Variants in B3GALT5 observed in about 807,000 individuals in gnomAD.
The protein encoded by B3GALT5 is beta-1,3-galactosyltransferase 5.
For synonymous variants in B3GALT5, 156 were observed against 158.6 expected, an observed-to-expected ratio of 0.98 and a Z score of 0.12; for missense variants, 328 against 396.6, an observed-to-expected ratio of 0.83 and a Z score of 1.47.
chr21:39,639,456 T>TTTTCTTTCTCTCTCTCTCTCTTTCTTTC, intron 1 of B3GALT5, among the ~76,000 whole-genome samples: 1 of 77,518 alleles, frequency 1.3e-5, no homozygotes, highest in Admixed American at 1.3e-4. Flanking sequence ...TTCTTTCTTT[T>TTTTCTTTCTCTCTCTCTCTCTTTCTTTC]TTTCTTTCTC....
At chr21:39,630,390 T>A (rs1377150187) in intron 1 of B3GALT5, 1 of 151,618 alleles carries the variant, frequency 6.6e-6, no homozygotes, top group Non-Finnish European at 1.5e-5. Flanking sequence ...AGCGTCAGAG[T>A]CTTAGGTCTC....
At chr21:39,628,615 A>G (rs1235578425) in intron 1 of B3GALT5, among the ~76,000 whole-genome samples, 1 of 152,256 alleles carries the variant, frequency 6.6e-6, no homozygotes, top group African/African-American at 2.4e-5. Context: ...CAACCATGTC[A>G]GTGCTGTGTC....
At chr21:39,625,893 A>G (rs2079161270) in intron 1 of B3GALT5, among the ~76,000 whole-genome samples, 1 of 152,150 alleles carries the variant, frequency 6.6e-6, no homozygotes, top group Admixed American at 6.5e-5. Flanking sequence ...GTTATCTGTA[A>G]AGTTTACAAT....
At position 39,661,376 on chromosome 21, in the gene B3GALT5, T is replaced by C. The variant is rs763524371; in HGVS notation, c.817T>C (p.Phe273Leu). 1 of 1,601,442 alleles carries C rather than the reference T, an allele frequency of 6.2e-7. No homozygotes were observed. The highest frequency in any genetic ancestry group is 8.5e-7 in the Non-Finnish European group (1 of 1,174,154). ...GACCTTTTTTCCAGGGGGCTTACGC[T>C]TCTCCGTATGCCTCTTCAGGAGGAT... ...QPTFFPGGLR[F>L]SVCLFRRIVA... is the part of the protein sequence containing the mutation. The change falls in exon 4 of 4, where the codon TTC becomes CTC. Residue 273 changes from phenylalanine (F) to leucine (L), a missense_variant. Physicochemically the swap from Phe to Leu is conservative, Grantham distance 22 (BLOSUM62 0). Transcript: ENST00000684187. This position sits in a 1 kb window ranked among gnomAD's most constrained non-coding sequence, Gnocchi z 4.7.
intron 1 of B3GALT5, among the ~76,000 whole-genome samples, chr21:39,625,450 G>T (rs557575078): frequency 1.3e-5 from 2 of 152,128 alleles, no homozygotes; most frequent in African/African-American, 4.8e-5. Context: ...AATTCTTTTC[G>T]CCTCACCTAG....
intron 1 of B3GALT5, among the ~76,000 whole-genome samples, chr21:39,627,417 C>T (rs1028964279): frequency 1.4e-4 from 22 of 152,190 alleles, no homozygotes; most frequent in African/African-American, 5.3e-4. Flanking sequence ...TACCTTGCAG[C>T]TGGTGGTGAG....
chr21:39,632,891 A>G (rs2079201523), intron 1 of B3GALT5, among the ~76,000 whole-genome samples: 1 of 152,150 alleles, frequency 6.6e-6, no homozygotes, highest in African/African-American at 2.4e-5. Flanking sequence ...TATCCAGTTT[A>G]TATGTTTCAG....
intron 1 of B3GALT5, among the ~76,000 whole-genome samples, chr21:39,641,147 T>G (rs2079286771): frequency 6.6e-6 from 1 of 152,182 alleles, no homozygotes; most frequent in Admixed American, 6.5e-5. Context: ...CAAAAAGTAG[T>G]TTGCCATTTG....
Position 39,661,351 on chromosome 21 carries a change from G to T in B3GALT5, c.792G>T (p.Pro264=). ...NIRLEELHSQ[P]TFFPGGLRFS... The stretch of plus-strand genomic sequence containing the variant: ...GATTGGAGGAGCTCCACTCCCAGCC[G>T]ACCTTTTTTCCAGGGGGCTTACGCT... The change falls in exon 4 of 4, where the codon CCG becomes CCT. Residue 264 remains proline (P), a synonymous_variant. Coordinates refer to ENST00000684187, the MANE Select transcript of B3GALT5 (RefSeq NM_001356336.2). This position sits in a 1 kb window ranked among gnomAD's most constrained non-coding sequence, Gnocchi z 4.7. 1.9e-6 allele frequency: 3 copies of T among 1,611,366 alleles called. No individual in the cohort carries two copies. The highest frequency in any genetic ancestry group is 2.5e-6 in the Non-Finnish European group (3 of 1,178,904).
chr21:39,653,087 G>T (rs1299856400), intron 2 of B3GALT5, among the ~76,000 whole-genome samples: 1 of 152,054 alleles, frequency 6.6e-6, no homozygotes, highest in Non-Finnish European at 1.5e-5. Flanking sequence ...CTCTCCAGAG[G>T]TTCCTCTGTT....
rs2079550229 is a variant in B3GALT5, at chr21:39,663,631, A to C, written c.*2139A>C. On this transcript the variant is annotated 3_prime_UTR_variant, in exon 4 of 4. Coordinates refer to ENST00000684187, the MANE Select transcript of B3GALT5 (RefSeq NM_001356336.2). ...TGGGATTACAGGTGTGTATTTCTTT[A>C]TACAATGAATAATTCTTTTTCTTGA... 1 of 152,260 alleles carries C rather than the reference A, an allele frequency of 6.6e-6. No individual in the cohort carries two copies. The highest frequency in any genetic ancestry group is 6.5e-5 in the Admixed American group (1 of 15,294). 9.4% of individuals were successfully genotyped at this position (152,260 alleles called of 1,614,324 possible).
chr21:39,616,753 G>A (rs1042702365), intron 1 of B3GALT5, among the ~76,000 whole-genome samples: 5 of 152,176 alleles, frequency 3.3e-5, no homozygotes, highest in African/African-American at 4.8e-5. Flanking sequence ...ATATGAAGGA[G>A]CAGAAGCAGT....
intron 1 of B3GALT5, among the ~76,000 whole-genome samples, chr21:39,644,319 T>C (rs1292183078): frequency 6.6e-6 from 1 of 152,184 alleles, no homozygotes; most frequent in Non-Finnish European, 1.5e-5. Context: ...TTAACAGAAA[T>C]GCTGTAGGGT....
chr21:39,654,973 C>T (rs1303134745), intron 2 of B3GALT5, among the ~76,000 whole-genome samples: 1 of 152,134 alleles, frequency 6.6e-6, no homozygotes, highest in Non-Finnish European at 1.5e-5. Flanking sequence ...TGCTTTATTG[C>T]AGTAGTCTGT....
chr21:39,643,557 T>G (rs1009745204), intron 1 of B3GALT5, among the ~76,000 whole-genome samples: 1 of 152,228 alleles, frequency 6.6e-6, no homozygotes, highest in Non-Finnish European at 1.5e-5. Context: ...AGGAGAACAA[T>G]TGAGCTTTTT....
In B3GALT5 at chr21:39,667,347, A is replaced by C. The variant is rs922909531; in HGVS notation, c.*5855A>C. On this transcript the variant is annotated 3_prime_UTR_variant, in exon 4 of 4. Coordinates refer to ENST00000684187, the MANE Select transcript of B3GALT5 (RefSeq NM_001356336.2). The stretch of plus-strand genomic sequence containing the variant: ...TTGGAAAGCCAAATAATTAATTTTC[A>C]TGCGAGTTTTTGATCCCCTTGAGTG... 6.6e-6 allele frequency: 1 copy of C among 152,220 alleles called. No homozygotes were observed. Among genetic ancestry groups the C allele is most frequent in the African/African-American group, 2.4e-5 (1 of 41,466 alleles). The allele number at this position is 152,220 out of a possible 1,614,324, so 9.4% of individuals were successfully genotyped here.
intron 1 of B3GALT5, among the ~76,000 whole-genome samples, chr21:39,629,018 CT>C (rs894794469): frequency 4.5e-4 from 66 of 146,992 alleles, no homozygotes; most frequent in South Asian, 2.6e-3. Flanking sequence ...TCTTAACATC[CT>C]TTTTTTTTTT....
intron 2 of B3GALT5, chr21:39,657,379 T>A (rs1315235830): frequency 1.3e-5 from 2 of 152,472 alleles, no homozygotes; most frequent in African/African-American, 4.8e-5. Flanking sequence ...CTTTCTCTGC[T>A]GGAGCTGGGA....
In B3GALT5 at chr21:39,660,726, C is replaced by T; in HGVS notation, c.167C>T (p.Pro56Leu). The change falls in exon 4 of 4, where the codon CCT becomes CTT. Residue 56 changes from proline to leucine, a missense_variant. By Grantham distance (98) the Pro-to-Leu change is moderately conservative. Transcript: ENST00000684187. ...KLPDTDCRQT[P>L]PFLVLLVTSS... Reference sequence around the variant, plus strand: ...CCAGATACAGACTGCAGGCAGACACCTCCCTTCCTCGTCCTGCTGGTGACC... The same window carrying T: ...CCAGATACAGACTGCAGGCAGACACTTCCCTTCCTCGTCCTGCTGGTGACC... 1 of 1,550,658 alleles carries T rather than the reference C, an allele frequency of 6.4e-7. No homozygotes were observed. Among genetic ancestry groups the T allele is most frequent in the Non-Finnish European group, 8.7e-7 (1 of 1,151,090 alleles).
Sources: allele counts gnomAD v4.1 joint callset (sites outside exome capture counted in the v4.1 genomes callset), GRCh38; gene constraint gnomAD v4.1.1; non-coding constraint Gnocchi (gnomAD v3.1); transcripts MANE v1.5; gene names NCBI Gene and HGNC (gene_info 2026-07-23, HGNC 2026-07-21).